The following BTN2A1 variants were observed in gnomAD, a reference collection of about 807,000 sequenced individuals.
The protein encoded by BTN2A1 is butyrophilin subfamily 2 member A1.
Under a neutral mutation model 34.5 loss-of-function variants are expected in BTN2A1, and 41 were observed. The ratio of observed to expected loss-of-function variants is 1.19; its 90% CI spans 0.93 to 1.54. The LOEUF is 1.54. Ranked by LOEUF, BTN2A1 falls within the 40% of genes most tolerant of loss-of-function variation. BTN2A1 has a pLI of 0.00. For synonymous variants in BTN2A1, 267 were observed against 258.6 expected, an observed-to-expected ratio of 1.03 and a Z score of -0.31; for missense variants, 642 against 662.0, an observed-to-expected ratio of 0.97 and a Z score of 0.33.
chr6:26,465,261 C>T lies in BTN2A1; in HGVS notation c.789C>T (p.Ala263=), dbSNP rs560181740. ...TGGTTATTCTGATGATACCCATTGC[C>T]GTATGCATCTATTGGATCAACAAAC... ...IIVVILMIPI[A]VCIYWINKLQ... is the part of the protein sequence containing the mutation. Residue 263 remains alanine (A), a synonymous_variant, in exon 5 of 8, where the codon GCC becomes GCT. Coordinates refer to ENST00000312541, the MANE Select transcript of BTN2A1 (RefSeq NM_007049.5). 30 of 1,613,976 alleles carry T rather than the reference C, an allele frequency of 1.9e-5. No homozygotes were observed. Among genetic ancestry groups the T allele is most frequent in the African/African-American group, 6.7e-5 (5 of 74,980 alleles).
rs1158503019 is a variant in BTN2A1 at position 26,468,575 on chromosome 6, T to C, written c.*26T>C. 6.2e-7 allele frequency: 1 copy of C among 1,613,948 alleles called. No individual in the cohort carries two copies. Among genetic ancestry groups the C allele is most frequent in the Non-Finnish European group, 8.5e-7 (1 of 1,180,034 alleles). ...AATCAATTCCTTGGTCTCACAGCCA[T>C]GTAGACAAGCCCTGGTCATCTCAGC... On this transcript the variant is annotated 3_prime_UTR_variant, in exon 8 of 8. Transcript: ENST00000312541.
chr6:26,459,197 A>G (rs1015254956), intron 2 of BTN2A1, among the ~76,000 whole-genome samples: 8 of 152,180 alleles, frequency 5.3e-5, no homozygotes, highest in Non-Finnish European at 1.0e-4. Context: ...GCACAGCACT[A>G]GATTGGGAAA....
chr6:26,465,137 C>T (rs769642043), intron 4 of BTN2A1, 48 bp from the exon 5 acceptor site: 4 of 1,540,570 alleles, frequency 2.6e-6, no homozygotes, highest in Non-Finnish European at 3.6e-6. Context: ...ACTCTTACCC[C>T]AGATGTTCTG....
At chr6:26,470,881 G>C (rs1001643925), downstream of BTN2A1, among the ~76,000 whole-genome samples, 3 of 152,140 alleles carry the variant, frequency 2.0e-5, no homozygotes, top group South Asian at 4.1e-4. Context: ...TCTCCAGCTT[G>C]CAGATGGCCC....
rs771575009 is a variant in BTN2A1 at position 26,458,591 on chromosome 6, T to C, written c.-30-16T>C. 6.9e-6 allele frequency: 11 copies of C among 1,604,720 alleles called. No homozygotes were observed. In the South Asian group the frequency reaches 9.9e-5, roughly 14 times the overall value. On this transcript the variant is annotated splice_polypyrimidine_tract_variant and intron_variant, in intron 1 of 7. Coordinates refer to ENST00000312541, the MANE Select transcript of BTN2A1 (RefSeq NM_007049.5). The stretch of plus-strand genomic sequence containing the variant: ...GGTGCCAAGACTCCTAGGCTGATTC[T>C]CCTCTGTAACCCTAGGCCTCCTGTC...
downstream of BTN2A1, among the ~76,000 whole-genome samples, chr6:26,470,398 C>G (rs1302447660): frequency 1.3e-5 from 2 of 150,414 alleles, no homozygotes; most frequent in Non-Finnish European, 3.0e-5. Context: ...CACCCCACCC[C>G]AGGAATCCTG....
rs1303947571 is a variant in BTN2A1 at position 26,467,705 on chromosome 6, T to C, written c.983-243T>C. On this transcript the variant is annotated intron_variant, in intron 7 of 7. Transcript: ENST00000312541. Reference sequence around the variant, plus strand: ...TGATTTTACTTCATTTGCTAAACTTTCCGGATTTCTTAGAGCTCCAATTCT... The same window carrying C: ...TGATTTTACTTCATTTGCTAAACTTCCCGGATTTCTTAGAGCTCCAATTCT... The C allele has an allele frequency of 4.4e-6, 7 of 1,585,398 alleles. No homozygotes were observed. The African/African-American group carries it at 8.1e-5, about 18-fold the overall frequency.
chr6:26,460,167 G>C (rs1763128546), intron 3 of BTN2A1, among the ~76,000 whole-genome samples: 1 of 151,054 alleles, frequency 6.6e-6, no homozygotes, highest in Non-Finnish European at 1.5e-5. Flanking sequence ...TTTTCTTTTT[G>C]AGACAGAGTC....
chr6:26,468,148 G>T lies in BTN2A1; in HGVS notation c.1183G>T (p.Val395Leu). Residue 395 changes from valine to leucine, a missense_variant, in exon 8 of 8, where the codon GTG becomes TTG. Val to Leu is a conservative substitution (Grantham distance 32). Coordinates refer to ENST00000312541, the MANE Select transcript of BTN2A1 (RefSeq NM_007049.5). Reference protein sequence around the residue: ...KHYWEVEVENVIEWTVGVCRD... With the variant: ...KHYWEVEVENLIEWTVGVCRD... ...TTACTGGGAGGTGGAGGTGGAAAAC[G>T]TGATTGAGTGGACTGTGGGGGTCTG... 1 of 1,614,184 alleles carries T rather than the reference G, an allele frequency of 6.2e-7. No homozygotes were observed. Among genetic ancestry groups the T allele is most frequent in the Non-Finnish European group, 8.5e-7 (1 of 1,180,032 alleles).
downstream of BTN2A1, chr6:26,469,790 A>G (rs1394100928): frequency 1.3e-5 from 2 of 152,186 alleles, no homozygotes; most frequent in African/African-American, 4.8e-5. Context: ...TAAAAACAAC[A>G]AACTGTGTTT....
In BTN2A1 at chr6:26,458,683, T is replaced by G. The variant is rs1041188606; in HGVS notation, c.47T>G (p.Leu16Arg). Residue 16 changes from leucine to arginine, a missense_variant, in exon 2 of 8, where the codon CTC (leucine) becomes CGC (arginine). Transcript: ENST00000312541. ...CACTTCTCCCGGCCAGCCTCCCTCCTCCTCCTCCTCCTCAGCCTGTGTGCA... is the reference window on the plus strand; with the variant it reads ...CACTTCTCCCGGCCAGCCTCCCTCCGCCTCCTCCTCCTCAGCCTGTGTGCA... Reference protein sequence around the residue: ...ALHFSRPASLLLLLLSLCALV... With the variant: ...ALHFSRPASLRLLLLSLCALV... 6.2e-7 allele frequency: 1 copy of G among 1,612,796 alleles called. No homozygotes were observed. The highest frequency in any genetic ancestry group is 1.3e-5 in the African/African-American group (1 of 74,786).
chr6:26,462,374 A>ACC (rs1763188696), intron 3 of BTN2A1, among the ~76,000 whole-genome samples: 1 of 152,208 alleles, frequency 6.6e-6, no homozygotes, highest in Non-Finnish European at 1.5e-5. Flanking sequence ...TACTATAAGA[A>ACC]AATCACCCAG....
rs1414211359 is a variant in BTN2A1, at chr6:26,468,019, A to C, written c.1054A>C (p.Arg352=). 3 of 1,614,228 alleles carry C rather than the reference A, an allele frequency of 1.9e-6. No homozygotes were observed. The highest frequency in any genetic ancestry group is 1.1e-5 in the South Asian group (1 of 91,092). Residue 352 remains arginine (R), a synonymous_variant, in exon 8 of 8, where the codon AGG becomes CGG. Coordinates refer to ENST00000312541, the MANE Select transcript of BTN2A1 (RefSeq NM_007049.5). The part of the protein sequence containing the change: ...FLSEDRRSVR[R]CPFRHLGESV... ...GTCAGAGGACCGGAGAAGTGTGAGA[A>C]GGTGCCCCTTCAGGCACCTAGGGGA...
At chr6:26,476,288 C>A in exon 8 of BTN2A1, 2 of 978,670 alleles carry the variant, frequency 2.0e-6, no homozygotes, top group Non-Finnish European at 3.1e-6. Context: ...GTCTGTAGAG[C>A]CCATCGCTCT....
downstream of BTN2A1, among the ~76,000 whole-genome samples, chr6:26,471,810 A>G (rs1763457902): frequency 6.6e-6 from 1 of 152,184 alleles, no homozygotes; most frequent in Non-Finnish European, 1.5e-5. Context: ...TGAGGAGTCT[A>G]TATTAGAGAT....
chr6:26,468,745 T>C lies in BTN2A1; in HGVS notation c.*196T>C, dbSNP rs190723727. 29 of 1,611,008 alleles carry C rather than the reference T, an allele frequency of 1.8e-5. No individual in the cohort carries two copies. In the African/African-American group the frequency reaches 3.7e-4, roughly 21 times the overall value. On this transcript the variant is annotated 3_prime_UTR_variant, in exon 8 of 8. Coordinates refer to ENST00000312541, the MANE Select transcript of BTN2A1 (RefSeq NM_007049.5). ...CTCACTAGGCTGTGTTTTTAGTAGTTCCTTTGCTTGTAACTATGGGATGGG... is the reference window on the plus strand; with the variant it reads ...CTCACTAGGCTGTGTTTTTAGTAGTCCCTTTGCTTGTAACTATGGGATGGG...
At position 26,463,305 on chromosome 6, in the gene BTN2A1, G is replaced by A. The variant is rs761683080; in HGVS notation, c.492G>A (p.Glu164=). 1.2e-6 allele frequency: 2 copies of A among 1,613,992 alleles called. No individual in the cohort carries two copies. The highest frequency in any genetic ancestry group is 1.1e-5 in the South Asian group (1 of 91,072). ...RGHEDGGIRL[E]CISRGWYPKP... ...ATGAAGACGGGGGCATCCGGCTGGA[G>A]TGCATATCTAGAGGGTGGTACCCAA... Residue 164 remains glutamate (E), a synonymous_variant, in exon 4 of 8, where the codon GAG becomes GAA. Transcript: ENST00000312541.
At chr6:26,467,374 C>A (rs535785875) in intron 7 of BTN2A1, among the ~76,000 whole-genome samples, 1 of 152,306 alleles carries the variant, frequency 6.6e-6, no homozygotes, top group East Asian at 1.9e-4. Flanking sequence ...TGCCATGGCA[C>A]AATCTGGGCT....
In BTN2A1 at chr6:26,468,857, C is replaced by A; in HGVS notation, c.*308C>A. 6.8e-7 allele frequency: 1 copy of A among 1,468,992 alleles called. No homozygotes were observed. The highest frequency in any genetic ancestry group is 9.1e-7 in the Non-Finnish European group (1 of 1,098,172). 91.0% of individuals were successfully genotyped at this position (1,468,992 alleles called of 1,614,324 possible). On this transcript the variant is annotated 3_prime_UTR_variant, in exon 8 of 8. Transcript: ENST00000312541. ...GATGGGCAGCAAACCTGCTGTTTAA[C>A]ATCAGGGTGACCACATTAAGCCCAG...
Sources: gnomAD v4.1 joint callset for allele counts (sites outside exome capture counted in the v4.1 genomes callset) on GRCh38, gnomAD v4.1.1 for gene constraint, MANE v1.5 for transcripts, NCBI Gene and HGNC (gene_info 2026-07-23, HGNC 2026-07-21) for gene names.